The following LRP1B variants were observed in gnomAD, a reference collection of about 807,000 sequenced individuals.
LRP1B encodes the protein low-density lipoprotein receptor-related protein 1B.
Under a neutral mutation model 556.6 loss-of-function variants are expected in LRP1B, and 217 were observed. That is an observed-to-expected ratio of 0.39 (90% CI 0.35 to 0.44). The LOEUF (loss-of-function observed/expected upper bound fraction) is 0.44. Among genes scored for constraint, LRP1B ranks in the 20% least tolerant of loss-of-function variants. The probability of loss-of-function intolerance (pLI) is 1.00; values close to 1 mark genes in which losing one functional copy is unlikely to be tolerated. For synonymous variants in LRP1B, 2,047 were observed against 1,865.8 expected, an observed-to-expected ratio of 1.10 and a Z score of -2.50; for missense variants, 5,053 against 5,620.8, an observed-to-expected ratio of 0.90 and a Z score of 3.23.
chr2:141,964,280 T>A (rs1340776945), intron 1 of LRP1B, among the ~76,000 whole-genome samples: 1 of 150,664 alleles, frequency 6.6e-6, no homozygotes, highest in East Asian at 2.0e-4. Context: ...AGAGCCTGCA[T>A]CGCCAAGTCA....
At chr2:141,989,439 C>T (rs994934741) in intron 1 of LRP1B, among the ~76,000 whole-genome samples, 1 of 151,950 alleles carries the variant, frequency 6.6e-6, no homozygotes, top group Non-Finnish European at 1.5e-5. Flanking sequence ...CACTAAGATA[C>T]AGATCTGGAA....
rs2197055 is a variant in LRP1B, at chr2:140,711,824, G to A, written c.6023+4149C>T. ...AACCTCTAAAATACATTTGATCTCC[G>A]CATTCTATCTTTTCTTTCACTCCAT... On this transcript the variant is annotated intron_variant, in intron 37 of 90. Transcript: ENST00000389484. Among the ~76,000 whole-genome samples, 2,798 of 152,154 alleles carry A rather than the reference G, an allele frequency of 0.018. 191 individuals are homozygous for A. In the East Asian group the frequency reaches 0.22, roughly 12 times the overall value.
chr2:140,695,413 A>T lies in LRP1B; in HGVS notation c.6799+4837T>A, dbSNP rs139226340. Among the ~76,000 whole-genome samples the T allele has an allele frequency of 3.9e-3, 597 of 152,184 alleles. 4 individuals are homozygous for T. The highest frequency in any genetic ancestry group is 0.013 in the African/African-American group (521 of 41,552). On this transcript the variant is annotated intron_variant, in intron 41 of 90. Coordinates refer to ENST00000389484, the MANE Select transcript of LRP1B (RefSeq NM_018557.3). ...AGTCATTGGCCTAACAGTAGATGGC[A>T]CAGCTTTATTTCAGGCTTGCTTCCC... is the stretch of plus-strand genomic sequence containing the variant.
chr2:141,986,277 A>G (rs1702184560), intron 1 of LRP1B, among the ~76,000 whole-genome samples: 1 of 151,998 alleles, frequency 6.6e-6, no homozygotes. Context: ...ATTTTACCAC[A>G]ATAAAAACTT....
chr2:141,821,564 T>A (rs1175924690), intron 1 of LRP1B, among the ~76,000 whole-genome samples: 1 of 152,236 alleles, frequency 6.6e-6, no homozygotes, highest in Non-Finnish European at 1.5e-5. Flanking sequence ...TGTAAGTAGC[T>A]GGTATCTGAG....
At chr2:142,042,000 T>A (rs1352344119) in intron 1 of LRP1B, among the ~76,000 whole-genome samples, 5 of 151,632 alleles carry the variant, frequency 3.3e-5, no homozygotes, top group South Asian at 4.1e-4. Flanking sequence ...TAAAATTAAA[T>A]AAGTTTTAAA....
intron 43 of LRP1B, among the ~76,000 whole-genome samples, chr2:140,572,769 G>C (rs190546981): frequency 1.4e-5 from 2 of 143,074 alleles, no homozygotes; most frequent in African/African-American, 5.3e-5. Flanking sequence ...AATGTGGTAC[G>C]TATACACAAT....
At chr2:141,681,893 G>C (rs866271045) in intron 2 of LRP1B, among the ~76,000 whole-genome samples, 2 of 152,128 alleles carry the variant, frequency 1.3e-5, no homozygotes, top group Non-Finnish European at 2.9e-5. Flanking sequence ...AATAGACTTA[G>C]CTATTTCCAG....
At position 140,767,636 on chromosome 2, in the gene LRP1B, AT is replaced by A. The variant is rs201182101; in HGVS notation, c.5758+1576del. On this transcript the variant is annotated intron_variant, in intron 35 of 90. Coordinates refer to ENST00000389484, the MANE Select transcript of LRP1B (RefSeq NM_018557.3). The stretch of plus-strand genomic sequence containing the variant: ...TAGATCAAATTGCTTATATTATTTT[AT>A]TTTTTTTAATTATTATTTTTTTTAT... Among the ~76,000 whole-genome samples, 332 of 151,138 alleles carry A rather than the reference AT, an allele frequency of 2.2e-3. 5 individuals carry two copies. The East Asian group carries it at 0.031, about 14-fold the overall frequency.
chr2:141,320,876 G>A (rs1242813671), intron 3 of LRP1B, among the ~76,000 whole-genome samples: 1 of 151,958 alleles, frequency 6.6e-6, no homozygotes, highest in African/African-American at 2.4e-5. Flanking sequence ...TTCCACGTGG[G>A]TAAGAAATAA....
intron 25 of LRP1B, among the ~76,000 whole-genome samples, chr2:140,876,940 A>C (rs977274148): frequency 6.6e-6 from 1 of 152,146 alleles, no homozygotes. Flanking sequence ...ACTATAGTAC[A>C]CCTGTTGTTA....
intron 2 of LRP1B, among the ~76,000 whole-genome samples, chr2:141,482,465 TATCA>T (rs1289313932): frequency 1.3e-5 from 2 of 152,058 alleles, no homozygotes; most frequent in Non-Finnish European, 2.9e-5. Context: ...GTAACTTGAG[TATCA>T]ATATTTCTAA....
At chr2:141,578,186 G>C (rs150227669) in intron 2 of LRP1B, among the ~76,000 whole-genome samples, 6 of 152,184 alleles carry the variant, frequency 3.9e-5, no homozygotes, top group African/African-American at 1.2e-4. Context: ...ATGAGGTCAA[G>C]AGCTTGAGAC....
At chr2:142,009,269 A>G (rs541048175) in intron 1 of LRP1B, among the ~76,000 whole-genome samples, 11 of 152,170 alleles carry the variant, frequency 7.2e-5, no homozygotes, top group Non-Finnish European at 1.0e-4. Flanking sequence ...AAATGAGATG[A>G]TAATGTCAAA....
rs1338885351 is a variant in LRP1B at position 140,601,539 on chromosome 2, C to G, written c.6900G>C (p.Gln2300His). The change falls in exon 42 of 91, where the codon CAG becomes CAC. Residue 2300 changes from glutamine (Q) to histidine (H), a missense_variant. By Grantham distance (24) the Gln-to-His change is conservative. This residue lies in a region of LRP1B where 3,619 missense variants were observed against 3,931.9 expected (regional missense o/e 0.92). Transcript: ENST00000389484. ...CCCTGTCAAATGCTCCAGGCCGAGT[C>G]TGGTCCACAGTGTGTCTGGTGATGG... ...TSSITRHTVD[Q>H]TRPGAFDREA... The G allele has an allele frequency of 6.2e-7, 1 of 1,613,166 alleles. No individual in the cohort carries two copies. The highest frequency in any genetic ancestry group is 8.5e-7 in the Non-Finnish European group (1 of 1,179,530).
intron 20 of LRP1B, among the ~76,000 whole-genome samples, chr2:140,935,906 A>T: frequency 1.3e-5 from 2 of 152,028 alleles, no homozygotes; most frequent in African/African-American, 4.8e-5. Context: ...ATATATATGT[A>T]TATATATGTG....
intron 1 of LRP1B, among the ~76,000 whole-genome samples, chr2:141,943,943 T>C (rs1257904680): frequency 6.6e-6 from 1 of 152,130 alleles, no homozygotes; most frequent in African/African-American, 2.4e-5. Flanking sequence ...GAGGGGTTCC[T>C]GTTAACAGAC....
At chr2:141,728,572 G>T (rs1163187013) in intron 2 of LRP1B, among the ~76,000 whole-genome samples, 1 of 152,022 alleles carries the variant, frequency 6.6e-6, no homozygotes, top group Non-Finnish European at 1.5e-5. Context: ...AATCACCACG[G>T]GAATAAGTCA....
At chr2:140,607,713 T>C (rs569809360) in intron 41 of LRP1B, among the ~76,000 whole-genome samples, 1 of 152,106 alleles carries the variant, frequency 6.6e-6, no homozygotes, top group South Asian at 2.1e-4. Context: ...GACACAATTA[T>C]AGAAAATTAT....
Sources: allele counts gnomAD v4.1 joint callset (sites outside exome capture counted in the v4.1 genomes callset), GRCh38; gene constraint gnomAD v4.1.1; regional missense constraint gnomAD v4.1.1; transcripts MANE v1.5; gene names NCBI Gene and HGNC (gene_info 2026-07-23, HGNC 2026-07-21).